The following RPL38 variants were observed in gnomAD, a reference collection of about 807,000 sequenced individuals.
RPL38 encodes ribosomal protein L38, also known as large ribosomal subunit protein eL38.
RPL38 carries 2 observed loss-of-function variants against 12.8 expected under a neutral mutation model. The observed-to-expected ratio is 0.16, with a 90% CI of 0.06 to 0.49. The LOEUF (loss-of-function observed/expected upper bound fraction) is 0.49. RPL38 is among the 20% of genes least tolerant of loss of function. The pLI, the probability that RPL38 is intolerant of heterozygous loss-of-function variation, is 0.96. For missense variants in RPL38, 52 were observed against 79.8 expected, an observed-to-expected ratio of 0.65 and a Z score of 1.33; for synonymous variants, 42 against 30.1, an observed-to-expected ratio of 1.39 and a Z score of -1.29.
intron 4 of RPL38, 86 bp from the exon 5 acceptor site, chr17:74,209,718 T>C: frequency 8.5e-7 from 1 of 1,170,950 alleles, no homozygotes; most frequent in Admixed American, 1.8e-5. Context: ...TTGTGTGCTC[T>C]CTTTAGCTTA....
intron 3 of RPL38, among the ~76,000 whole-genome samples, chr17:74,206,708 CTTTTTTTTTT>C (rs35333460): frequency 7.9e-5 from 8 of 101,594 alleles, no homozygotes; most frequent in South Asian, 6.1e-4. Context: ...TTTTTTCTTT[CTTTTTTTTTT>C]TTTTTTTTTT....
In RPL38 at chr17:74,204,067, C is replaced by T. The variant is rs544339656; in HGVS notation, c.4-63C>T. The T allele has an allele frequency of 4.5e-5, 72 of 1,610,384 alleles. 2 individuals carry two copies. Among genetic ancestry groups the T allele is most frequent in the South Asian group, 3.0e-4 (27 of 90,992 alleles). ...CCTGAGGCCGGGAGAAGCTGGTGGACTGGGCCATCGCCGGGAGACGTGTCT... is the reference window on the plus strand; with the variant it reads ...CCTGAGGCCGGGAGAAGCTGGTGGATTGGGCCATCGCCGGGAGACGTGTCT... On this transcript the variant is annotated intron_variant, in intron 2 of 4. Transcript: ENST00000311111.
chr17:74,206,986 G>T lies in RPL38; in HGVS notation c.65-2201G>T, dbSNP rs557392183. Among the ~76,000 whole-genome samples the T allele has an allele frequency of 2.6e-5, 4 of 151,914 alleles. No individual in the cohort carries two copies. The East Asian group carries it at 7.7e-4, about 29-fold the overall frequency. On this transcript the variant is annotated intron_variant, in intron 3 of 4. Coordinates refer to ENST00000311111, the MANE Select transcript of RPL38 (RefSeq NM_000999.4). ...CTGCCTTGGCCTCCCAAAGTGCTGG[G>T]ATTACAGGCGTGAGCCACTGTGCCC...
Position 74,204,113 on chromosome 17 carries a change from C to G in RPL38, c.4-17C>G. On this transcript the variant is annotated splice_polypyrimidine_tract_variant and intron_variant, in intron 2 of 4. Transcript: ENST00000311111. The stretch of plus-strand genomic sequence containing the variant: ...TGTCTCTTTCCTCTCTGTTCACCCG[C>G]TTCCTTTGTGTTGCAGCCTCGGAAA... The G allele has an allele frequency of 6.2e-7, 1 of 1,614,134 alleles. No homozygotes were observed. The highest frequency in any genetic ancestry group is 8.5e-7 in the Non-Finnish European group (1 of 1,179,974).
chr17:74,203,880 C>T, intron 1 of RPL38, 38 bp from the exon 2 acceptor site: 2 of 1,520,804 alleles, frequency 1.3e-6, no homozygotes, highest in South Asian at 2.5e-5. Context: ...CGCTGCCAGC[C>T]CCCGCGCCGT....
At chr17:74,204,043 C>T in intron 2 of RPL38, 85 bp downstream of exon 2, 2 of 1,611,036 alleles carry the variant, frequency 1.2e-6, no homozygotes, top group Non-Finnish European at 1.7e-6. Flanking sequence ...CAAGGATCTC[C>T]TGAGGCCGGG....
rs369752137 is a variant in RPL38 at position 74,209,994 on chromosome 17, T to TTC, written c.*166_*167insCT. On this transcript the variant is annotated 3_prime_UTR_variant, in exon 5 of 5. Transcript: ENST00000311111. ...TTCCTGTGTCTTTTTTTTTTTTTTTTTTTCTTTCTTTGAGACGGAGTCTTG... is the reference window on the plus strand; with the variant it reads ...TTCCTGTGTCTTTTTTTTTTTTTTTTTCTTTCTTTCTTTGAGACGGAGTCTTG... 20 of 574,050 alleles carry TTC rather than the reference T, an allele frequency of 3.5e-5. No individual in the cohort carries two copies. Among genetic ancestry groups the TTC allele is most frequent in the African/African-American group, 1.6e-4 (8 of 51,154 alleles). The allele number at this position is 574,050 out of a possible 1,614,324, so 35.6% of individuals were successfully genotyped here.
At chr17:74,208,016 T>C (rs1254777562) in intron 3 of RPL38, among the ~76,000 whole-genome samples, 1 of 152,184 alleles carries the variant, frequency 6.6e-6, no homozygotes, top group African/African-American at 2.4e-5. Context: ...CCTATAGTAG[T>C]TACTGGCAGA....
intron 3 of RPL38, 115 bp downstream of exon 3, chr17:74,204,305 G>A: frequency 1.2e-6 from 1 of 863,564 alleles, no homozygotes; most frequent in Admixed American, 2.2e-5. Context: ...GTGTGTGCCT[G>A]GCCCTCTGGG....
At chr17:74,206,697 G>GT (rs1310073341) in intron 3 of RPL38, among the ~76,000 whole-genome samples, 2 of 133,166 alleles carry the variant, frequency 1.5e-5, no homozygotes, top group Non-Finnish European at 3.2e-5. Flanking sequence ...ATTGCCTTCT[G>GT]TTTTTTCTTT....
At chr17:74,206,922 G>GAGCC (rs1451058489) in intron 3 of RPL38, among the ~76,000 whole-genome samples, 1 of 150,910 alleles carries the variant, frequency 6.6e-6, no homozygotes, top group Non-Finnish European at 1.5e-5. Context: ...TTCACCGAGT[G>GAGCC]AGCCAGGATG....
In RPL38 at chr17:74,209,978, C is replaced by CTTTT. The variant is rs58720199; in HGVS notation, c.*165_*168dup. The CTTTT allele has an allele frequency of 2.4e-3, 871 of 357,010 alleles. 8 individuals carry two copies. Among genetic ancestry groups the CTTTT allele is most frequent in the African/African-American group, 0.011 (420 of 38,506 alleles). The allele number at this position is 357,010 out of a possible 1,614,324, so 22.1% of individuals were successfully genotyped here. ...GGGTTCTGTTGCTGCCTTCCTGTGTCTTTTTTTTTTTTTTTTTTTCTTTCT... is the reference window on the plus strand; with the variant it reads ...GGGTTCTGTTGCTGCCTTCCTGTGTCTTTTTTTTTTTTTTTTTTTTTTTCTTTCT... On this transcript the variant is annotated 3_prime_UTR_variant, in exon 5 of 5. Transcript: ENST00000311111.
rs556545251 is a variant in RPL38, at chr17:74,204,174, A to G, written c.48A>G (p.Arg16=). The part of the protein sequence containing the change: ...EEIKDFLLTA[R]RKDAKSVKIK... The stretch of plus-strand genomic sequence containing the variant: ...TCAAGGACTTCCTGCTCACAGCCCG[A>G]CGAAAGGATGCCAAATGTAAGTGGT... The change falls in exon 3 of 5, where the codon CGA becomes CGG. Residue 16 remains arginine, a synonymous_variant. Coordinates refer to ENST00000311111, the MANE Select transcript of RPL38 (RefSeq NM_000999.4). The G allele has an allele frequency of 6.2e-7, 1 of 1,614,136 alleles. No homozygotes were observed. Among genetic ancestry groups the G allele is most frequent in the East Asian group, 2.2e-5 (1 of 44,860 alleles).
intron 3 of RPL38, among the ~76,000 whole-genome samples, chr17:74,206,712 T>TC (rs1357936303): frequency 1.5e-5 from 2 of 132,594 alleles, no homozygotes; most frequent in South Asian, 2.4e-4. Flanking sequence ...TTCTTTCTTT[T>TC]TTTTTTTTTT....
Position 74,209,993 on chromosome 17 carries a change from T to C in RPL38, c.*164T>C. ...CTTCCTGTGTCTTTTTTTTTTTTTT[T>C]TTTTCTTTCTTTGAGACGGAGTCTT... On this transcript the variant is annotated 3_prime_UTR_variant, in exon 5 of 5. Coordinates refer to ENST00000311111, the MANE Select transcript of RPL38 (RefSeq NM_000999.4). 2 of 576,876 alleles carry C rather than the reference T, an allele frequency of 3.5e-6. No homozygotes were observed. The highest frequency in any genetic ancestry group is 6.0e-6 in the Non-Finnish European group (2 of 330,844). 35.7% of individuals were successfully genotyped at this position (576,876 alleles called of 1,614,324 possible).
At chr17:74,207,065 G>A (rs926629534) in intron 3 of RPL38, among the ~76,000 whole-genome samples, 1 of 151,660 alleles carries the variant, frequency 6.6e-6, no homozygotes, top group South Asian at 2.1e-4. Flanking sequence ...AGGCTGGAGT[G>A]CAGTGGTGTG....
chr17:74,209,053 T>C (rs1018450859), intron 3 of RPL38, 134 bp from the exon 4 acceptor site: 14 of 883,894 alleles, frequency 1.6e-5, no homozygotes, highest in Non-Finnish European at 2.5e-5. Flanking sequence ...TGTTTTCTGT[T>C]TGCACAGAGG....
At chr17:74,209,085 T>C in intron 3 of RPL38, 102 bp from the exon 4 acceptor site, 2 of 1,246,542 alleles carry the variant, frequency 1.6e-6, no homozygotes. Flanking sequence ...AGGTGGGTGC[T>C]GTCTCCTGCA....
At chr17:74,203,785 C>T (rs538223019) in intron 1 of RPL38, 40 bp downstream of exon 1, 3 of 790,748 alleles carry the variant, frequency 3.8e-6, no homozygotes, top group Admixed American at 2.9e-5. Context: ...AATCTGGGGA[C>T]CCCAGGTCCG....
Sources: gnomAD v4.1 joint callset for allele counts (sites outside exome capture counted in the v4.1 genomes callset) on GRCh38, gnomAD v4.1.1 for gene constraint, MANE v1.5 for transcripts, NCBI Gene and HGNC (gene_info 2026-07-23, HGNC 2026-07-21) for gene names.